Variants in BTBD10 observed in about 807,000 individuals in gnomAD.
BTBD10 encodes BTB domain containing 10, also known as BTB/POZ domain-containing protein 10.
A neutral mutation model predicts 53.2 loss-of-function variants in BTBD10; 21 were observed. That is an observed-to-expected ratio of 0.39 (90% confidence interval 0.28 to 0.57). BTBD10 has a LOEUF of 0.57. Ranked by LOEUF, BTBD10 falls within the 20% of genes least tolerant of loss-of-function variation. BTBD10 has a pLI of 0.53. For missense variants in BTBD10, 360 were observed against 594.7 expected (o/e 0.61, Z 4.10); for synonymous variants, 149 against 192.7 (o/e 0.77, Z 1.88).
intron 2 of BTBD10, among the ~76,000 whole-genome samples, chr11:13,444,100 A>G (rs1292166315): frequency 6.6e-6 from 1 of 152,196 alleles, no homozygotes; most frequent in African/African-American, 2.4e-5. Flanking sequence ...AGTCCACAAT[A>G]AAAGTGAACA....
intron 2 of BTBD10, among the ~76,000 whole-genome samples, chr11:13,438,999 T>A (rs1000852514): frequency 1.3e-5 from 2 of 151,974 alleles, no homozygotes; most frequent in African/African-American, 2.4e-5. Context: ...AACCATAAGA[T>A]GACCATTCAA....
At chr11:13,456,862 T>A (rs757124338) in intron 1 of BTBD10, among the ~76,000 whole-genome samples, 1 of 152,126 alleles carries the variant, frequency 6.6e-6, no homozygotes, top group East Asian at 1.9e-4. Context: ...ACACTGCCAA[T>A]GAAAAGTACA....
rs1168277802 is a variant in BTBD10 at position 13,440,195 on chromosome 11, A to G, written c.101+4829T>C. 5 of 1,399,144 alleles carry G rather than the reference A, an allele frequency of 3.6e-6. No individual in the cohort carries two copies. In the East Asian group the frequency reaches 1.2e-4, roughly 34 times the overall value. The allele number at this position is 1,399,144 out of a possible 1,614,324, so 86.7% of individuals were successfully genotyped here. A position where few individuals can be genotyped will look rare whatever the true frequency, so the allele number is the denominator to read the frequency against. On this transcript the variant is annotated intron_variant, in intron 2 of 8. Coordinates refer to ENST00000278174, the MANE Select transcript of BTBD10 (RefSeq NM_032320.7). ...TATTCAGAGATACAACCCCCTCTAC[A>G]TATTAATTCAGTTTATTTTCTCACA...
chr11:13,390,100 T>G (rs1949368237), intron 8 of BTBD10, among the ~76,000 whole-genome samples: 2 of 108,614 alleles, frequency 1.8e-5, no homozygotes, highest in Non-Finnish European at 4.3e-5. Flanking sequence ...AAAAAAAAAT[T>G]AGTTATTTAC....
Position 13,417,142 on chromosome 11 carries a change from C to T in BTBD10, c.687+16G>A, listed in dbSNP as rs1466956535. On this transcript the variant is annotated intron_variant, in intron 5 of 8. Transcript: ENST00000278174. Reference sequence around the variant, plus strand: ...GGCGTCTTATGATTAAGTCAATACTCATAAGAAACACTCACCAGAATCGCT... The same window carrying T: ...GGCGTCTTATGATTAAGTCAATACTTATAAGAAACACTCACCAGAATCGCT... 1 of 1,591,840 alleles carries T rather than the reference C, an allele frequency of 6.3e-7. No homozygotes were observed. The highest frequency in any genetic ancestry group is 8.6e-7 in the Non-Finnish European group (1 of 1,164,166).
chr11:13,458,149 A>C (rs948499490), intron 1 of BTBD10, among the ~76,000 whole-genome samples: 1 of 151,702 alleles, frequency 6.6e-6, no homozygotes, highest in Non-Finnish European at 1.5e-5. Flanking sequence ...AAAAAAAAAA[A>C]AAAAAAAAAC....
chr11:13,419,212 T>C (rs896126223), intron 4 of BTBD10, among the ~76,000 whole-genome samples: 2 of 152,136 alleles, frequency 1.3e-5, no homozygotes, highest in South Asian at 4.1e-4. Flanking sequence ...CAATAACTAA[T>C]ATATTTGCTA....
rs187010786 is a variant in BTBD10, at chr11:13,389,763, G to A, written c.1118-622C>T. ...TTATATTCTCGTCACAGGATTACCCGGCCTACAGGCCTGGAATTTAGCCAC... is the reference window on the plus strand; with the variant it reads ...TTATATTCTCGTCACAGGATTACCCAGCCTACAGGCCTGGAATTTAGCCAC... On this transcript the variant is annotated intron_variant, in intron 8 of 8. Coordinates refer to ENST00000278174, the MANE Select transcript of BTBD10 (RefSeq NM_032320.7). Among the ~76,000 whole-genome samples, 10 of 152,240 alleles carry A rather than the reference G, an allele frequency of 6.6e-5. No homozygotes were observed. In the East Asian group the frequency reaches 9.7e-4, roughly 15 times the overall value.
chr11:13,461,949 T>TTTTA (rs1271330123), intron 1 of BTBD10, among the ~76,000 whole-genome samples: 1 of 150,912 alleles, frequency 6.6e-6, no homozygotes. Flanking sequence ...TTTTTTTTTT[T>TTTTA]ACCAGTCTTG....
rs753263055 is a variant in BTBD10 at position 13,450,172 on chromosome 11, G to T, written c.-57-4991C>A. Among the ~76,000 whole-genome samples, 11 of 152,258 alleles carry T rather than the reference G, an allele frequency of 7.2e-5. No individual in the cohort carries two copies. The Middle Eastern group carries it at 0.01, about 141-fold the overall frequency. On this transcript the variant is annotated intron_variant, in intron 1 of 8. Transcript: ENST00000278174. ...AATCAGACGACAAGGGCTGCCTTCA[G>T]CTACAGAGGTCCAAATATCCAAATA...
chr11:13,447,893 A>T (rs1301767917), intron 1 of BTBD10, among the ~76,000 whole-genome samples: 1 of 152,174 alleles, frequency 6.6e-6, no homozygotes, highest in African/African-American at 2.4e-5. Flanking sequence ...TTGCCTACAC[A>T]AACATAACGT....
At chr11:13,436,643 A>G (rs1011189216) in intron 2 of BTBD10, among the ~76,000 whole-genome samples, 11 of 152,330 alleles carry the variant, frequency 7.2e-5, no homozygotes, top group Admixed American at 5.9e-4. Flanking sequence ...AAGGGGTTCA[A>G]TTTCAGAGCT....
At chr11:13,459,114 T>C (rs1591180285) in intron 1 of BTBD10, among the ~76,000 whole-genome samples, 1 of 149,682 alleles carries the variant, frequency 6.7e-6, no homozygotes, top group East Asian at 1.9e-4. Context: ...TGGAGTGCAG[T>C]GGCGGGATCT....
In BTBD10 at chr11:13,405,710, C is replaced by G; in HGVS notation, c.955G>C (p.Val319Leu). The G allele has an allele frequency of 6.2e-7, 1 of 1,613,676 alleles. No individual in the cohort carries two copies. Among genetic ancestry groups the G allele is most frequent in the South Asian group, 1.1e-5 (1 of 91,058 alleles). The change falls in exon 7 of 9, where the codon GTT (valine) becomes CTT (leucine). Residue 319 changes from valine (V) to leucine (L), a missense_variant. By Grantham distance (32) the Val-to-Leu change is conservative. Transcript: ENST00000278174. Reference sequence around the variant, plus strand: ...GGTGGATATTCTTCATCCCAATCAACCACATCATCATCTGTAAGCACCACT... The same window carrying G: ...GGTGGATATTCTTCATCCCAATCAAGCACATCATCATCTGTAAGCACCACT... ...HIVVLTDDDV[V>L]DWDEEYPPQM...
chr11:13,388,669 A>G lies in BTBD10; in HGVS notation c.*162T>C. On this transcript the variant is annotated 3_prime_UTR_variant, in exon 9 of 9. Coordinates refer to ENST00000278174, the MANE Select transcript of BTBD10 (RefSeq NM_032320.7). ...TAGAGTTGTACTCATTTAAAAAAAAACCATTCAGCTACCTTTGGTCTTTAA... is the reference window on the plus strand; with the variant it reads ...TAGAGTTGTACTCATTTAAAAAAAAGCCATTCAGCTACCTTTGGTCTTTAA... The G allele has an allele frequency of 5.7e-6, 4 of 700,000 alleles. No homozygotes were observed. Among genetic ancestry groups the G allele is most frequent in the Non-Finnish European group, 9.1e-6 (4 of 438,968 alleles). 43.4% of individuals were successfully genotyped at this position (700,000 alleles called of 1,614,324 possible). A position where few individuals can be genotyped will look rare whatever the true frequency, so the allele number is the denominator to read the frequency against.
intron 2 of BTBD10, among the ~76,000 whole-genome samples, 197 bp downstream of exon 2, chr11:13,444,827 T>C (rs1180413284): frequency 6.6e-6 from 1 of 152,070 alleles, no homozygotes. Flanking sequence ...CAGAAATAAA[T>C]ATTCAAATAC....
rs150033198 is a variant in BTBD10 at position 13,390,629 on chromosome 11, G to A, written c.1118-1488C>T. Among the ~76,000 whole-genome samples, 12 of 152,198 alleles carry A rather than the reference G, an allele frequency of 7.9e-5. No homozygotes were observed. The East Asian group carries it at 1.7e-3, about 22-fold the overall frequency. ...TGGGATTACAGGTGTGAGCCACTGC[G>A]CCCAGCCACATGTGTATGTTTCAAT... On this transcript the variant is annotated intron_variant, in intron 8 of 8. Transcript: ENST00000278174.
chr11:13,432,039 A>G (rs1384110768), intron 2 of BTBD10, among the ~76,000 whole-genome samples: 1 of 152,122 alleles, frequency 6.6e-6, no homozygotes, highest in Non-Finnish European at 1.5e-5. Context: ...TAAAAAAAAA[A>G]CTATTGATAT....
chr11:13,439,597 A>G (rs1332536463), intron 2 of BTBD10, among the ~76,000 whole-genome samples: 1 of 152,112 alleles, frequency 6.6e-6, no homozygotes, highest in African/African-American at 2.4e-5. Context: ...CTCTCCTTAA[A>G]TAAATTTTTA....
Sources: allele counts gnomAD v4.1 joint callset (sites outside exome capture counted in the v4.1 genomes callset), GRCh38; gene constraint gnomAD v4.1.1; transcripts MANE v1.5; gene names NCBI Gene and HGNC (gene_info 2026-07-23, HGNC 2026-07-21).